The following EXOC4 variants were observed in gnomAD, a reference collection of about 807,000 sequenced individuals.
EXOC4 encodes SEC8-like 1.
A neutral mutation model predicts 107.2 loss-of-function variants in EXOC4; 71 were observed. The observed-to-expected ratio is 0.66, with a 90% CI of 0.55 to 0.81. EXOC4 has a LOEUF of 0.81. Among genes scored for constraint, EXOC4 ranks in the 30% least tolerant of loss-of-function variants. EXOC4 has a pLI of 0.00. For synonymous variants in EXOC4, 456 were observed against 441.2 expected (o/e 1.03, Z -0.42); for missense variants, 1,108 against 1,189.6 (o/e 0.93, Z 1.01).
intron 14 of EXOC4, among the ~76,000 whole-genome samples, chr7:133,969,005 G>A (rs975194394): frequency 1.4e-4 from 22 of 152,090 alleles, no homozygotes; most frequent in African/African-American, 4.3e-4. Flanking sequence ...GAGTTTTCAC[G>A]TAGTGCCATA....
intron 5 of EXOC4, among the ~76,000 whole-genome samples, chr7:133,342,981 T>C (rs1795699763): frequency 6.6e-6 from 1 of 152,186 alleles, no homozygotes; most frequent in Admixed American, 6.5e-5. Flanking sequence ...GGTGCCTCCT[T>C]GAGTAGCTTA....
At chr7:134,017,730 A>G (rs894734767) in intron 17 of EXOC4, among the ~76,000 whole-genome samples, 2 of 152,316 alleles carry the variant, frequency 1.3e-5, no homozygotes, top group East Asian at 3.9e-4. Context: ...CTTCAGAGCA[A>G]TAAATACTTC....
chr7:133,582,037 C>A (rs796438659), intron 9 of EXOC4, among the ~76,000 whole-genome samples: 5 of 152,168 alleles, frequency 3.3e-5, no homozygotes, highest in African/African-American at 1.2e-4. Context: ...TTAATCACCC[C>A]CTACCAGGCC....
chr7:133,997,815 G>C (rs1029870026), intron 15 of EXOC4, among the ~76,000 whole-genome samples, 182 bp downstream of exon 15: 1 of 152,156 alleles, frequency 6.6e-6, no homozygotes, highest in African/African-American at 2.4e-5. Context: ...TGTATTGTGA[G>C]TGTGGTGATT....
In EXOC4 at chr7:133,992,327, G is replaced by A. The variant is rs77743111; in HGVS notation, c.2207-5165G>A. Among the ~76,000 whole-genome samples, 89 of 151,918 alleles carry A rather than the reference G, an allele frequency of 5.9e-4. No individual in the cohort carries two copies. The East Asian group carries it at 0.013, about 22-fold the overall frequency. ...ATACAGGGTCTGACGCTGTTGCCTA[G>A]GCTGGAATGCAGTGATGCAATCTCA... On this transcript the variant is annotated intron_variant, in intron 14 of 17. Transcript: ENST00000253861.
At position 133,987,282 on chromosome 7, in the gene EXOC4, G is replaced by C. The variant is rs559416838; in HGVS notation, c.2207-10210G>C. On this transcript the variant is annotated intron_variant, in intron 14 of 17. Transcript: ENST00000253861. The stretch of plus-strand genomic sequence containing the variant: ...TTGAGACCAGCGTAGGCAACATAGC[G>C]AGACCCTTTCTGTACAAAAGAATTA... 1.8e-4 allele frequency among the ~76,000 whole-genome samples: 28 copies of C among 152,118 alleles called. No individual in the cohort carries two copies. The South Asian group carries it at 5.4e-3, about 29-fold the overall frequency.
chr7:133,769,901 G>C (rs567589265), intron 10 of EXOC4, among the ~76,000 whole-genome samples: 2 of 151,834 alleles, frequency 1.3e-5, no homozygotes, highest in Admixed American at 6.6e-5. Flanking sequence ...ATCATTTTCT[G>C]TGTAGTTATA....
chr7:133,592,660 T>C lies in EXOC4; in HGVS notation c.1418-37385T>C, dbSNP rs192922777. ...ACTCTGTCGCTAGGCTGGAGTGTAG[T>C]GGCATGATCTCAGCTCACTGCAACC... On this transcript the variant is annotated intron_variant, in intron 9 of 17. Transcript: ENST00000253861. Among the ~76,000 whole-genome samples, 13 of 152,246 alleles carry C rather than the reference T, an allele frequency of 8.5e-5. No homozygotes were observed. The East Asian group carries it at 2.5e-3, about 29-fold the overall frequency.
At chr7:134,067,973 C>A (rs937856640), downstream of EXOC4, among the ~76,000 whole-genome samples, 1 of 152,096 alleles carries the variant, frequency 6.6e-6, no homozygotes, top group African/African-American at 2.4e-5. Context: ...AATAATTAGA[C>A]AAGGATTGGT....
chr7:133,831,465 T>C (rs549525721), intron 11 of EXOC4, among the ~76,000 whole-genome samples: 2 of 152,324 alleles, frequency 1.3e-5, no homozygotes, highest in African/African-American at 4.8e-5. Flanking sequence ...CTTGGAGTTA[T>C]AATCCACTTT....
chr7:133,286,893 G>A (rs1794291686), intron 2 of EXOC4, among the ~76,000 whole-genome samples: 2 of 152,180 alleles, frequency 1.3e-5, no homozygotes, highest in Admixed American at 1.3e-4. Context: ...GTCCAATTCA[G>A]TTGCTCCCAA....
the EXOC4 span, among the ~76,000 whole-genome samples, chr7:134,089,142 T>G: frequency 6.6e-6 from 1 of 152,138 alleles, no homozygotes; most frequent in Non-Finnish European, 1.5e-5. Context: ...AAAAACTGAG[T>G]AATACCCCTT....
intron 1 of EXOC4, among the ~76,000 whole-genome samples, chr7:133,259,489 A>G (rs982405496): frequency 3.9e-5 from 6 of 151,980 alleles, no homozygotes; most frequent in Non-Finnish European, 5.9e-5. Context: ...GGCCTCCCAA[A>G]GTGTTGGGAT....
intron 9 of EXOC4, among the ~76,000 whole-genome samples, chr7:133,506,549 A>G (rs1027355094): frequency 6.6e-6 from 1 of 152,160 alleles, no homozygotes; most frequent in African/African-American, 2.4e-5. Flanking sequence ...GTTGCAGTAC[A>G]GACTTTTATG....
At chr7:134,018,076 C>T (rs1043938468) in intron 17 of EXOC4, among the ~76,000 whole-genome samples, 1 of 152,174 alleles carries the variant, frequency 6.6e-6, no homozygotes, top group African/African-American at 2.4e-5. Flanking sequence ...TTTATATATT[C>T]TGCAGTACCT....
At chr7:134,086,800 G>A in the EXOC4 span, among the ~76,000 whole-genome samples, 3 of 152,168 alleles carry the variant, frequency 2.0e-5, no homozygotes, top group African/African-American at 7.2e-5. Context: ...AGCCACAGGG[G>A]CTGCTGGTTA....
intron 10 of EXOC4, among the ~76,000 whole-genome samples, chr7:133,633,181 A>G (rs932073559): frequency 2.0e-5 from 3 of 152,200 alleles, no homozygotes; most frequent in Admixed American, 6.5e-5. Flanking sequence ...TGGCGAGGAC[A>G]TGGATCAGTG....
At chr7:133,609,841 G>A (rs1350068272) in intron 9 of EXOC4, among the ~76,000 whole-genome samples, 1 of 152,188 alleles carries the variant, frequency 6.6e-6, no homozygotes, top group Non-Finnish European at 1.5e-5. Context: ...GATGGGTGTA[G>A]TTACACAACA....
chr7:133,649,757 A>T (rs555850813), intron 10 of EXOC4, among the ~76,000 whole-genome samples: 3 of 152,228 alleles, frequency 2.0e-5, no homozygotes, highest in Admixed American at 6.5e-5. Context: ...CTGCTGCCTG[A>T]TAGTGGCTTG....
Sources: gnomAD v4.1 joint callset for allele counts (sites outside exome capture counted in the v4.1 genomes callset) on GRCh38, gnomAD v4.1.1 for gene constraint, MANE v1.5 for transcripts, NCBI Gene and HGNC (gene_info 2026-07-23, HGNC 2026-07-21) for gene names.